The following LARGE1 variants were observed in gnomAD, a reference collection of about 807,000 sequenced individuals.
LARGE1 encodes the protein xylosyl- and glucuronyltransferase LARGE1.
LARGE1 carries 43 observed loss-of-function variants against 87.6 expected under a neutral mutation model. The ratio of observed to expected loss-of-function variants is 0.49; its 90% CI spans 0.38 to 0.63. LARGE1 has a LOEUF of 0.63. LARGE1 is among the 30% of genes least tolerant of loss of function. The pLI, the probability that LARGE1 is intolerant of heterozygous loss-of-function variation, is 0.00. For missense variants in LARGE1, 802 were observed against 1,000.2 expected (o/e 0.80, Z 2.67); for synonymous variants, 434 against 394.6 (o/e 1.10, Z -1.18).
At chr22:33,730,017 T>C (rs555905584) in intron 2 of LARGE1, among the ~76,000 whole-genome samples, 114 of 152,208 alleles carry the variant, frequency 7.5e-4, no homozygotes, top group Admixed American at 5.7e-3. Context: ...TGCGTGTGTG[T>C]GTTGAGGGAG....
intron 7 of LARGE1, among the ~76,000 whole-genome samples, chr22:33,419,244 C>T (rs1601772875): frequency 6.6e-6 from 1 of 151,946 alleles, no homozygotes; most frequent in Admixed American, 6.6e-5. Context: ...GGAACCACCC[C>T]CATAATGCAA....
intron 2 of LARGE1, among the ~76,000 whole-genome samples, chr22:33,720,313 G>A (rs957126394): frequency 1.8e-4 from 28 of 152,084 alleles, no homozygotes; most frequent in Admixed American, 3.3e-4. Flanking sequence ...GACAGGAGGC[G>A]GAGCTCACGG....
At chr22:33,913,372 A>G (rs1187647466) in intron 1 of LARGE1, among the ~76,000 whole-genome samples, 1 of 152,230 alleles carries the variant, frequency 6.6e-6, no homozygotes, top group Non-Finnish European at 1.5e-5. Flanking sequence ...CAGTAGTTAA[A>G]TAAGTAATCT....
intron 11 of LARGE1, among the ~76,000 whole-genome samples, chr22:33,230,704 GT>G (rs5845074): frequency 0.57 from 86,368 of 151,960 alleles, 24,948 homozygotes; most frequent in African/African-American, 0.63. Flanking sequence ...TGGACACACA[GT>G]TTGTCTGCAC....
chr22:33,166,420 C>T (rs534695402), exon 12 of LARGE1: 3 of 224,076 alleles, frequency 1.3e-5, no homozygotes, highest in African/African-American at 6.9e-5. Context: ...TGGCACGTAC[C>T]ACCTTAATCT....
In LARGE1 at chr22:33,839,455, A is replaced by G. The variant is rs137858887; in HGVS notation, c.-82-77897T>C. ...TTTGGAGGAGACAAACATCCAAACC[A>G]TATCAGCGAGAAAAAAGCATGTTTT... On this transcript the variant is annotated intron_variant, in intron 1 of 14. Transcript: ENST00000397394. Among the ~76,000 whole-genome samples, 5 of 152,338 alleles carry G rather than the reference A, an allele frequency of 3.3e-5. No individual in the cohort carries two copies. In the East Asian group the frequency reaches 5.8e-4, roughly 18 times the overall value.
chr22:33,380,678 C>T (rs556106963), intron 9 of LARGE1, among the ~76,000 whole-genome samples: 3 of 152,258 alleles, frequency 2.0e-5, no homozygotes, highest in Admixed American at 2.0e-4. Context: ...GACATAATAC[C>T]CACATGGGGA....
At chr22:33,496,018 A>G (rs895496887) in intron 6 of LARGE1, among the ~76,000 whole-genome samples, 2 of 152,186 alleles carry the variant, frequency 1.3e-5, no homozygotes. Flanking sequence ...CACAATCACA[A>G]GTTGAGGTCC....
At chr22:33,669,662 T>C (rs537546499) in intron 2 of LARGE1, among the ~76,000 whole-genome samples, 10 of 152,300 alleles carry the variant, frequency 6.6e-5, no homozygotes, top group South Asian at 6.2e-4. Flanking sequence ...CAAGATCTGC[T>C]CCCTGTGACT....
chr22:33,685,469 A>G (rs564543428), intron 2 of LARGE1, among the ~76,000 whole-genome samples: 1 of 152,322 alleles, frequency 6.6e-6, no homozygotes, highest in South Asian at 2.1e-4. Flanking sequence ...GCAAAGTCCT[A>G]CAGCATTTCC....
At chr22:33,139,975 G>A in the LARGE1 span, among the ~76,000 whole-genome samples, 1 of 152,214 alleles carries the variant, frequency 6.6e-6, no homozygotes, top group Non-Finnish European at 1.5e-5. Context: ...TCAGGAAACT[G>A]GGCTGGAGGG....
At chr22:33,265,174 G>C (rs144368103) in intron 11 of LARGE1, among the ~76,000 whole-genome samples, 46 of 152,010 alleles carry the variant, frequency 3.0e-4, no homozygotes, top group African/African-American at 1.1e-3. Context: ...GAAAGTGCTG[G>C]GATTACAGGC....
At chr22:33,448,129 C>T (rs775912275) in intron 6 of LARGE1, among the ~76,000 whole-genome samples, 11 of 152,052 alleles carry the variant, frequency 7.2e-5, no homozygotes, top group East Asian at 1.9e-4. Flanking sequence ...GGTGGGTTCG[C>T]GGTGTTTTCC....
chr22:33,304,380 G>GGC lies in LARGE1; in HGVS notation c.1577_1578dup (p.His527AlafsTer18). 6.2e-7 allele frequency: 1 copy of GGC among 1,614,260 alleles called. No individual in the cohort carries two copies. Among genetic ancestry groups the GGC allele is most frequent in the South Asian group, 1.1e-5 (1 of 91,084 alleles). On this transcript the variant is annotated frameshift_variant, in exon 12 of 15. Transcript: ENST00000397394. LOFTEE classifies it high-confidence loss of function. ...TACACGATGTGGTAGCCCACGTTGT[G>GGC]GCGGCTCATAAGCACCTCAGAGCCC...
chr22:33,407,813 A>C (rs2066155029), intron 7 of LARGE1, among the ~76,000 whole-genome samples: 1 of 152,140 alleles, frequency 6.6e-6, no homozygotes, highest in African/African-American at 2.4e-5. Flanking sequence ...ACTCTGTTGC[A>C]ACTACTTAAT....
chr22:33,289,175 G>T (rs1481754121), intron 12 of LARGE1, among the ~76,000 whole-genome samples: 1 of 152,056 alleles, frequency 6.6e-6, no homozygotes, highest in Non-Finnish European at 1.5e-5. Context: ...AGCCAGGATG[G>T]TCTCGATCTC....
chr22:33,254,990 T>G (rs940145990), intron 11 of LARGE1, among the ~76,000 whole-genome samples: 5 of 146,274 alleles, frequency 3.4e-5, no homozygotes, highest in Non-Finnish European at 7.4e-5. Context: ...CAGGCTGGAG[T>G]GCAGCGGCGA....
chr22:33,489,811 A>T (rs945968366), intron 6 of LARGE1, among the ~76,000 whole-genome samples: 3 of 152,190 alleles, frequency 2.0e-5, no homozygotes, highest in Middle Eastern at 3.2e-3. Context: ...GGGAGCTGAC[A>T]TCCTAGTGGC....
chr22:33,381,872 C>T (rs774229609), intron 9 of LARGE1, 47 bp downstream of exon 9: 62 of 1,612,552 alleles, frequency 3.8e-5, no homozygotes, highest in Middle Eastern at 3.7e-4. Context: ...GAGGTCCTCT[C>T]GGCCCACCTC....
Sources: gnomAD v4.1 joint callset for allele counts (sites outside exome capture counted in the v4.1 genomes callset) on GRCh38, gnomAD v4.1.1 for gene constraint, MANE v1.5 for transcripts, NCBI Gene and HGNC (gene_info 2026-07-23, HGNC 2026-07-21) for gene names.